The following DSCAML1 variants were observed in gnomAD, a reference collection of about 807,000 sequenced individuals.
The protein encoded by DSCAML1 is cell adhesion molecule DSCAML1.
A neutral mutation model predicts 200.5 loss-of-function variants in DSCAML1; 38 were observed. The observed-to-expected ratio is 0.19, with a 90% confidence interval of 0.15 to 0.25. The LOEUF (loss-of-function observed/expected upper bound fraction) is 0.25. Among genes scored for constraint, DSCAML1 ranks in the 10% least tolerant of loss-of-function variants. The pLI is 1.00. For missense variants in DSCAML1, 2,223 were observed against 2,858.8 expected (o/e 0.78, Z 5.07); for synonymous variants, 1,215 against 1,165.0 (o/e 1.04, Z -0.87).
intron 3 of DSCAML1, among the ~76,000 whole-genome samples, chr11:117,732,677 C>T (rs2054243629): frequency 6.6e-6 from 1 of 152,210 alleles, no homozygotes. Context: ...TCTGAAAGGT[C>T]TGCAGAGGGA....
chr11:117,773,269 G>A (rs1261452847), intron 3 of DSCAML1, among the ~76,000 whole-genome samples: 3 of 152,122 alleles, frequency 2.0e-5, no homozygotes, highest in Non-Finnish European at 4.4e-5. Context: ...GATGCCTCCT[G>A]GGGCTCTGAT....
chr11:117,437,115 G>C lies in DSCAML1; in HGVS notation c.4720+7C>G. The C allele has an allele frequency of 6.2e-7, 1 of 1,609,468 alleles. No homozygotes were observed. The highest frequency in any genetic ancestry group is 1.3e-5 in the African/African-American group (1 of 74,962). ...TCTGTACCATCCCTTCCACCCTTGC[G>C]ACTCACTGCCATCGTAGTCCAGGGT... On this transcript the variant is annotated splice_region_variant and intron_variant, in intron 26 of 32. Coordinates refer to ENST00000651296, the MANE Select transcript of DSCAML1 (RefSeq NM_020693.4). The surrounding 1 kb of genome is among the most constrained non-coding windows in gnomAD (Gnocchi z 5.3).
At chr11:117,796,959 G>T in intron 1 of DSCAML1, 75 bp downstream of exon 1, 1 of 1,145,062 alleles carries the variant, frequency 8.7e-7, no homozygotes, top group Non-Finnish European at 1.1e-6. Flanking sequence ...AGCCCGCCGG[G>T]CACCCCGCCT....
intron 3 of DSCAML1, among the ~76,000 whole-genome samples, chr11:117,616,573 T>A (rs373511161): frequency 6.6e-6 from 1 of 152,212 alleles, no homozygotes; most frequent in Non-Finnish European, 1.5e-5. Flanking sequence ...GAACATAAGG[T>A]TGAGCAAAAG....
At chr11:117,775,408 A>G (rs988169035) in intron 3 of DSCAML1, among the ~76,000 whole-genome samples, 14 of 152,158 alleles carry the variant, frequency 9.2e-5, no homozygotes, top group African/African-American at 3.4e-4. Context: ...TCCTCCCCAG[A>G]CAAAACACCC....
intron 3 of DSCAML1, among the ~76,000 whole-genome samples, chr11:117,760,108 T>C (rs1316228745): frequency 6.6e-6 from 1 of 152,156 alleles, no homozygotes; most frequent in East Asian, 1.9e-4. Context: ...TAGATTATCA[T>C]AGTGGGATGC....
intron 12 of DSCAML1, 40 bp from the exon 13 acceptor site, chr11:117,481,310 G>C (rs1257813713): frequency 6.2e-7 from 1 of 1,602,036 alleles, no homozygotes; most frequent in Admixed American, 1.7e-5. Flanking sequence ...GGAGTAAACA[G>C]GGAGAGTCTT....
chr11:117,431,818 C>A, intron 30 of DSCAML1, 90 bp from the exon 31 acceptor site: 1 of 1,311,464 alleles, frequency 7.6e-7, no homozygotes, highest in Non-Finnish European at 1.0e-6. Context: ...CAGGGGGGAG[C>A]AAGGGAAGAG....
intron 3 of DSCAML1, among the ~76,000 whole-genome samples, chr11:117,539,465 G>A (rs565325733): frequency 7.2e-5 from 11 of 151,768 alleles, no homozygotes; most frequent in Non-Finnish European, 1.3e-4. Context: ...AAAACTAGCC[G>A]GGCCTGGTGG....
At chr11:117,441,279 T>C (rs1465055045) in intron 21 of DSCAML1, among the ~76,000 whole-genome samples, 1 of 152,184 alleles carries the variant, frequency 6.6e-6, no homozygotes, top group Admixed American at 6.5e-5. Flanking sequence ...CATCTCATAC[T>C]GAGTCCACAG....
Position 117,780,699 on chromosome 11 carries a change from G to C in DSCAML1, c.158C>G (p.Pro53Arg). 1 of 1,584,934 alleles carries C rather than the reference G, an allele frequency of 6.3e-7. No homozygotes were observed. The highest frequency in any genetic ancestry group is 8.6e-7 in the Non-Finnish European group (1 of 1,164,374). ...CAGGTACCATCGAAGGGCCGCGCTG[G>C]GGGAGCCCGCGGCCGGGCAGGGCAC... ...VVVPCPAAGS[P>R]SAALRWYLAT... Residue 53 changes from proline (P) to arginine (R), a missense_variant, in exon 2 of 33, where the codon CCC (proline) becomes CGC (arginine). Physicochemically the swap from Pro to Arg is moderately radical, Grantham distance 103. Around this residue, in one of 7 missense-constraint regions of DSCAML1, gnomAD observed 579 missense variants for 721.5 expected, o/e 0.80. Transcript: ENST00000651296. This position sits in a 1 kb window ranked among gnomAD's most constrained non-coding sequence, Gnocchi z 4.8.
chr11:117,449,169 C>A (rs138084111), intron 20 of DSCAML1, among the ~76,000 whole-genome samples: 11 of 152,256 alleles, frequency 7.2e-5, no homozygotes, highest in African/African-American at 2.6e-4. Flanking sequence ...CTAATCTATG[C>A]TATTGAGGTC....
At chr11:117,562,734 C>T (rs1165535529) in intron 3 of DSCAML1, among the ~76,000 whole-genome samples, 1 of 152,046 alleles carries the variant, frequency 6.6e-6, no homozygotes, top group East Asian at 1.9e-4. Context: ...TCTTTCTTTC[C>T]TTGTTTTTCT....
At chr11:117,479,358 T>C (rs1199356852) in intron 14 of DSCAML1, among the ~76,000 whole-genome samples, 1 of 152,268 alleles carries the variant, frequency 6.6e-6, no homozygotes, top group African/African-American at 2.4e-5. Context: ...GCTTTATTTA[T>C]AGTTTAATTT....
chr11:117,703,064 T>C (rs2053696502), intron 3 of DSCAML1, among the ~76,000 whole-genome samples: 1 of 152,226 alleles, frequency 6.6e-6, no homozygotes, highest in Non-Finnish European at 1.5e-5. Flanking sequence ...GCCGTAAAGA[T>C]GCACATAAAA....
chr11:117,442,525 T>C (rs1294181818), intron 21 of DSCAML1, among the ~76,000 whole-genome samples: 1 of 151,998 alleles, frequency 6.6e-6, no homozygotes, highest in African/African-American at 2.4e-5. Flanking sequence ...TGCGTGTGTG[T>C]GTATGGGGGA....
At chr11:117,593,731 A>AT (rs1555188274) in intron 3 of DSCAML1, among the ~76,000 whole-genome samples, 2 of 107,114 alleles carry the variant, frequency 1.9e-5, no homozygotes, top group Admixed American at 1.0e-4. Context: ...TTTTTTTTTG[A>AT]GATGGAGTCT....
intron 3 of DSCAML1, among the ~76,000 whole-genome samples, chr11:117,609,035 C>CAAACAAAAA (rs747841159): frequency 2.7e-5 from 3 of 110,866 alleles, no homozygotes; most frequent in East Asian, 2.6e-4. Context: ...AACAAACAAA[C>CAAACAAAAA]AAAAAAAACA....
In DSCAML1 at chr11:117,551,086, C is replaced by T. The variant is rs144385407; in HGVS notation, c.512-18564G>A. Among the ~76,000 whole-genome samples the T allele has an allele frequency of 4.7e-3, 710 of 152,292 alleles. 1 individual carries two copies. Among genetic ancestry groups the T allele is most frequent in the Middle Eastern group, 0.014 (4 of 294 alleles). On this transcript the variant is annotated intron_variant, in intron 3 of 32. Coordinates refer to ENST00000651296, the MANE Select transcript of DSCAML1 (RefSeq NM_020693.4). Reference sequence around the variant, plus strand: ...CCCTCTTCTCAGGATTCACCCTACACGTTGCGTTATCCTCTAATTAACATT... The same window carrying T: ...CCCTCTTCTCAGGATTCACCCTACATGTTGCGTTATCCTCTAATTAACATT...
Sources: allele counts gnomAD v4.1 joint callset (sites outside exome capture counted in the v4.1 genomes callset), GRCh38; gene constraint gnomAD v4.1.1; regional missense constraint gnomAD v4.1.1; non-coding constraint Gnocchi (gnomAD v3.1); transcripts MANE v1.5; gene names NCBI Gene and HGNC (gene_info 2026-07-23, HGNC 2026-07-21).